The following ANO6 variants were observed in gnomAD, a reference collection of about 807,000 sequenced individuals.
ANO6 encodes the protein anoctamin-6.
Under a neutral mutation model 117.5 loss-of-function variants are expected in ANO6, and 106 were observed. The ratio of observed to expected loss-of-function variants is 0.90; its 90% CI spans 0.77 to 1.06. The LOEUF is 1.06. ANO6 is among the 50% of genes least tolerant of loss of function. ANO6 has a pLI of 0.00. For missense variants in ANO6, 955 were observed against 1,121.1 expected (o/e 0.85, Z 2.12); for synonymous variants, 367 against 385.1 (o/e 0.95, Z 0.55).
chr12:45,243,668 G>T (rs1041173214), intron 1 of ANO6, among the ~76,000 whole-genome samples: 2 of 151,596 alleles, frequency 1.3e-5, no homozygotes, highest in African/African-American at 2.4e-5. Context: ...TCCTGCCTCA[G>T]CCTCCCAAGT....
chr12:45,344,130 G>A (rs1022292074), intron 3 of ANO6, among the ~76,000 whole-genome samples: 11 of 152,126 alleles, frequency 7.2e-5, no homozygotes, highest in Admixed American at 1.3e-4. Flanking sequence ...ATGAATAAAC[G>A]TTTCAGTCAT....
intron 10 of ANO6, among the ~76,000 whole-genome samples, chr12:45,381,158 A>T (rs945908484): frequency 1.3e-5 from 2 of 152,088 alleles, no homozygotes; most frequent in Non-Finnish European, 2.9e-5. Context: ...ACACCATAAC[A>T]CTTTACTGCT....
chr12:45,359,164 T>C (rs1262047589), intron 8 of ANO6, among the ~76,000 whole-genome samples: 1 of 152,218 alleles, frequency 6.6e-6, no homozygotes, highest in Admixed American at 6.5e-5. Context: ...AAGTGCACAA[T>C]TTAGGTGTAC....
chr12:45,399,499 CT>C (rs987119146), intron 12 of ANO6, among the ~76,000 whole-genome samples: 1 of 151,790 alleles, frequency 6.6e-6, no homozygotes, highest in African/African-American at 2.4e-5. Flanking sequence ...TGGCCGAGGT[CT>C]TTTTTTTAAT....
At chr12:45,313,379 C>T (rs1183992052) in intron 2 of ANO6, 2 of 152,016 alleles carry the variant, frequency 1.3e-5, no homozygotes, top group African/African-American at 2.4e-5. Flanking sequence ...GATATCCTCA[C>T]TGGAGTGTTG....
intron 3 of ANO6, 70 bp downstream of exon 3, chr12:45,331,493 A>G (rs1940665165): frequency 5.1e-6 from 7 of 1,366,922 alleles, no homozygotes; most frequent in South Asian, 2.7e-5. Context: ...GCTATTTTGT[A>G]TAAGTAATAA....
chr12:45,436,167 A>G (rs913336844), downstream of ANO6, among the ~76,000 whole-genome samples: 1 of 152,156 alleles, frequency 6.6e-6, no homozygotes, highest in Non-Finnish European at 1.5e-5. Flanking sequence ...AGGACCAACC[A>G]GAGAAAGCCA....
At chr12:45,276,456 T>C (rs1480715769) in intron 1 of ANO6, among the ~76,000 whole-genome samples, 1 of 152,194 alleles carries the variant, frequency 6.6e-6, no homozygotes, top group Admixed American at 6.5e-5. Flanking sequence ...ACCAAGATAC[T>C]TTCTGCTTCA....
intron 1 of ANO6, among the ~76,000 whole-genome samples, chr12:45,252,672 C>A (rs1937666833): frequency 6.6e-6 from 1 of 152,188 alleles, no homozygotes; most frequent in Admixed American, 6.6e-5. Flanking sequence ...TGGAGCAGAG[C>A]ACCCTTCTAC....
chr12:45,423,134 TCCATACTTAACATGTGTGATACTTTCTTC>T, intron 19 of ANO6, 72 bp downstream of exon 19: 1 of 1,089,818 alleles, frequency 9.2e-7, no homozygotes. Context: ...TGTTGCCAAC[TCCATACTTAACATGTGTGATACTTTCTTC>T]TTATCACTTG....
At chr12:45,403,624 GCCA>G (rs879932005) in intron 15 of ANO6, 88 bp downstream of exon 15, 20,820 of 1,075,014 alleles carry the variant, frequency 0.019, 581 homozygotes, top group East Asian at 0.11. Context: ...TAGCCACATA[GCCA>G]CATAGCTGCA....
intron 10 of ANO6, among the ~76,000 whole-genome samples, chr12:45,382,677 C>T (rs141603121): frequency 1.3e-3 from 191 of 152,184 alleles, no homozygotes; most frequent in Admixed American, 3.1e-3. Context: ...GTAAAGGGAG[C>T]CACACAAATT....
chr12:45,315,511 C>T (rs536000761), intron 2 of ANO6, among the ~76,000 whole-genome samples: 105 of 152,010 alleles, frequency 6.9e-4, no homozygotes, highest in Non-Finnish European at 1.1e-3. Context: ...CACTTCCTGC[C>T]CTATGTCACC....
rs367554959 is a variant in ANO6 at position 45,348,070 on chromosome 12, T to C, written c.388T>C (p.Trp130Arg). The C allele has an allele frequency of 3.1e-6, 5 of 1,613,948 alleles. No individual in the cohort carries two copies. In the African/African-American group the frequency reaches 6.7e-5, roughly 22 times the overall value. Residue 130 changes from tryptophan (W) to arginine (R), a missense_variant, in exon 5 of 20, where the codon TGG becomes CGG. Physicochemically the swap from Trp to Arg is moderately radical, Grantham distance 101. Transcript: ENST00000320560. Reference sequence around the variant, plus strand: ...TGTATTTGTAAAAGTACACGCACCATGGGAGGTGTTATGTACGTATGCTGA... The same window carrying C: ...TGTATTTGTAAAAGTACACGCACCACGGGAGGTGTTATGTACGTATGCTGA... ...KLVFVKVHAP[W>R]EVLCTYAEIM...
intron 2 of ANO6, among the ~76,000 whole-genome samples, chr12:45,323,132 G>A (rs1385523885): frequency 2.0e-5 from 3 of 152,116 alleles, no homozygotes. Context: ...TTTTGAAAGA[G>A]GCTAGGAGAA....
chr12:45,305,682 A>C lies in ANO6; in HGVS notation c.150+3589A>C, dbSNP rs17095713. Among the ~76,000 whole-genome samples the C allele has an allele frequency of 7.3e-3, 1,114 of 152,284 alleles. 5 individuals are homozygous for C. The highest frequency in any genetic ancestry group is 0.021 in the East Asian group (109 of 5,178). On this transcript the variant is annotated intron_variant, in intron 2 of 19. Coordinates refer to ENST00000320560, the MANE Select transcript of ANO6 (RefSeq NM_001025356.3). ...AGATAACCTTGTAGAGTTCCGTCTT[A>C]AAAGTAGAGACTTCAGAAATAGGCC...
At chr12:45,377,341 C>T (rs2137543461) in intron 9 of ANO6, among the ~76,000 whole-genome samples, 1 of 152,190 alleles carries the variant, frequency 6.6e-6, no homozygotes, top group East Asian at 1.9e-4. Context: ...AGATAGGCTA[C>T]ATATATAATA....
chr12:45,409,229 T>A, intron 15 of ANO6, 128 bp from the exon 16 acceptor site: 1 of 1,254,014 alleles, frequency 8.0e-7, no homozygotes, highest in Non-Finnish European at 1.1e-6. Flanking sequence ...AAAAACAAAT[T>A]TAGCATGCAA....
chr12:45,382,504 C>T (rs1942193171), intron 10 of ANO6, among the ~76,000 whole-genome samples: 1 of 152,140 alleles, frequency 6.6e-6, no homozygotes, highest in South Asian at 2.1e-4. Flanking sequence ...CCCTGGACTC[C>T]TCCCCACAGT....
Sources: gnomAD v4.1 joint callset for allele counts (sites outside exome capture counted in the v4.1 genomes callset) on GRCh38, gnomAD v4.1.1 for gene constraint, MANE v1.5 for transcripts, NCBI Gene and HGNC (gene_info 2026-07-23, HGNC 2026-07-21) for gene names.